Variants in TEK observed in about 807,000 individuals in gnomAD.
The protein encoded by TEK is angiopoietin-1 receptor.
A neutral mutation model predicts 131.8 loss-of-function variants in TEK; 43 were observed. The observed-to-expected ratio is 0.33, with a 90% confidence interval of 0.26 to 0.42. TEK has a LOEUF of 0.42. TEK is among the 10% of genes least tolerant of loss of function. The pLI, the probability that TEK is intolerant of heterozygous loss-of-function variation, is 1.00. For synonymous variants in TEK, 580 were observed against 491.6 expected (o/e 1.18, Z -2.38); for missense variants, 1,162 against 1,384.4 (o/e 0.84, Z 2.55).
intron 14 of TEK, among the ~76,000 whole-genome samples, chr9:27,206,042 A>G (rs1228548070): frequency 6.6e-6 from 1 of 152,238 alleles, no homozygotes; most frequent in Non-Finnish European, 1.5e-5. Flanking sequence ...AGAAAGAGAT[A>G]CTGTGTTGGG....
In TEK at chr9:27,114,501, G is replaced by C. The variant is rs966090020; in HGVS notation, c.52+4859G>C. Among the ~76,000 whole-genome samples, 6 of 152,040 alleles carry C rather than the reference G, an allele frequency of 3.9e-5. 1 individual carries two copies. Among genetic ancestry groups the C allele is most frequent in the Non-Finnish European group, 7.4e-5 (5 of 68,014 alleles). Reference sequence around the variant, plus strand: ...CAGGAAAATCTCTTAAACCAGGGAGGCAGAGGTTGCAGTGAGCCGAGATTA... The same window carrying C: ...CAGGAAAATCTCTTAAACCAGGGAGCCAGAGGTTGCAGTGAGCCGAGATTA... On this transcript the variant is annotated intron_variant, in intron 1 of 22. Coordinates refer to ENST00000380036, the MANE Select transcript of TEK (RefSeq NM_000459.5).
intron 2 of TEK, among the ~76,000 whole-genome samples, chr9:27,162,288 A>T (rs1037964886): frequency 6.6e-6 from 1 of 152,220 alleles, no homozygotes; most frequent in Non-Finnish European, 1.5e-5. Flanking sequence ...TGACTCGTAC[A>T]TCTGTGGAGG....
chr9:27,149,374 T>C (rs58996439), intron 1 of TEK, among the ~76,000 whole-genome samples: 1 of 152,336 alleles, frequency 6.6e-6, no homozygotes, highest in African/African-American at 2.4e-5. Flanking sequence ...TGAGTGTAAA[T>C]GCTTTCCTTC....
At chr9:27,208,250 A>G (rs1211981044) in intron 15 of TEK, among the ~76,000 whole-genome samples, 1 of 152,206 alleles carries the variant, frequency 6.6e-6, no homozygotes, top group Non-Finnish European at 1.5e-5. Flanking sequence ...TATGAGTACC[A>G]TTATTCCCTC....
intron 2 of TEK, among the ~76,000 whole-genome samples, chr9:27,161,606 A>C (rs1054886577): frequency 6.6e-6 from 1 of 152,194 alleles, no homozygotes; most frequent in African/African-American, 2.4e-5. Flanking sequence ...ATTCTCACTT[A>C]ATGTTAGCAA....
chr9:27,176,089 T>C (rs1824160040), intron 6 of TEK, among the ~76,000 whole-genome samples: 1 of 152,204 alleles, frequency 6.6e-6, no homozygotes, highest in East Asian at 1.9e-4. Flanking sequence ...ACAATTACTA[T>C]CCTGTTCATT....
chr9:27,218,720 A>G (rs952332623), intron 19 of TEK, 57 bp from the exon 20 acceptor site: 89 of 1,605,268 alleles, frequency 5.5e-5, no homozygotes, highest in Non-Finnish European at 1.5e-5. Context: ...TTGGGGCCGG[A>G]AAATGAGCGG....
rs746860160 is a variant in TEK, at chr9:27,172,688, A to G, written c.701A>G (p.His234Arg). The change falls in exon 5 of 23, where the codon CAT becomes CGT. Residue 234 changes from histidine to arginine, a missense_variant. His to Arg is a conservative substitution (Grantham distance 29). Transcript: ENST00000380036. ...CTACMNNGVC[H>R]EDTGECICPP... is the part of the protein sequence containing the mutation. ...GCTTGTATGAACAATGGTGTCTGCC[A>G]TGAAGATACTGGAGAATGCATTTGC... The G allele has an allele frequency of 1.1e-5, 18 of 1,613,820 alleles. No homozygotes were observed. The highest frequency in any genetic ancestry group is 3.3e-5 in the Admixed American group (2 of 60,004).
At chr9:27,183,729 G>A in intron 8 of TEK, 119 bp downstream of exon 8, 1 of 1,398,396 alleles carries the variant, frequency 7.2e-7, no homozygotes, top group Admixed American at 1.7e-5. Context: ...TGTGTTGTTG[G>A]CTTTGATAAA....
rs191005588 is a variant in TEK, at chr9:27,186,985, C to A, written c.1327+1356C>A. On this transcript the variant is annotated intron_variant, in intron 9 of 22. Transcript: ENST00000380036. ...CCCAAATCTGTTTTATTTGGTAGAA[C>A]ATTCACGTGATTAAAATAATTTCTT... Among the ~76,000 whole-genome samples the A allele has an allele frequency of 2.0e-5, 3 of 152,262 alleles. No homozygotes were observed. The East Asian group carries it at 5.8e-4, about 29-fold the overall frequency.
intron 12 of TEK, among the ~76,000 whole-genome samples, chr9:27,201,923 T>A (rs534129772): frequency 2.6e-5 from 4 of 152,140 alleles, no homozygotes; most frequent in Admixed American, 1.3e-4. Context: ...GTTATACAAG[T>A]CAAGAGAGTG....
intron 1 of TEK, among the ~76,000 whole-genome samples, chr9:27,136,116 C>T (rs1822424619): frequency 7.2e-6 from 1 of 139,688 alleles, no homozygotes; most frequent in Non-Finnish European, 1.5e-5. Flanking sequence ...GAGTCTCGCT[C>T]TGTCACTCAG....
At chr9:27,197,659 C>T (rs531490026) in intron 12 of TEK, 60 bp downstream of exon 12, 5 of 1,600,296 alleles carry the variant, frequency 3.1e-6, no homozygotes, top group East Asian at 2.3e-5. Flanking sequence ...GCCATGCAGA[C>T]TTAGCTAACA....
chr9:27,183,846 A>T (rs1824490872), intron 8 of TEK, among the ~76,000 whole-genome samples: 1 of 152,166 alleles, frequency 6.6e-6, no homozygotes. Context: ...TGGGGAACTG[A>T]CAGAGCTGGG....
intron 18 of TEK, 120 bp from the exon 19 acceptor site, chr9:27,217,568 C>T (rs556807682): frequency 4.7e-6 from 4 of 852,260 alleles, no homozygotes; most frequent in Admixed American, 1.9e-5. Flanking sequence ...CTGGGACATA[C>T]ACAAAGCAAT....
intron 11 of TEK, among the ~76,000 whole-genome samples, chr9:27,193,899 T>C (rs1412135969): frequency 6.6e-6 from 1 of 152,164 alleles, no homozygotes; most frequent in Non-Finnish European, 1.5e-5. Flanking sequence ...CTCTATCTCC[T>C]GGGCTCAAGT....
intron 2 of TEK, among the ~76,000 whole-genome samples, chr9:27,163,148 G>C (rs1395468576): frequency 6.6e-6 from 1 of 152,176 alleles, no homozygotes; most frequent in Non-Finnish European, 1.5e-5. Context: ...GGACTTTTAA[G>C]ACCCCACTAA....
intron 1 of TEK, among the ~76,000 whole-genome samples, chr9:27,138,126 G>C (rs766733004): frequency 7.2e-5 from 11 of 152,212 alleles, no homozygotes; most frequent in Non-Finnish European, 1.2e-4. Context: ...GACCCTCTCA[G>C]TGAGTGTTTC....
intron 15 of TEK, 39 bp downstream of exon 15, chr9:27,206,831 G>T: frequency 6.2e-7 from 1 of 1,600,448 alleles, no homozygotes; most frequent in East Asian, 2.2e-5. Flanking sequence ...TTGCGTGAGG[G>T]TGTGGAGAAA....
Sources: allele counts gnomAD v4.1 joint callset (sites outside exome capture counted in the v4.1 genomes callset), GRCh38; gene constraint gnomAD v4.1.1; transcripts MANE v1.5; gene names NCBI Gene and HGNC (gene_info 2026-07-23, HGNC 2026-07-21).